BMAL2: variants seen among roughly 807,000 people sequenced by gnomAD.
The protein encoded by BMAL2 is basic helix-loop-helix ARNT-like protein 2.
chr12:27,369,503 T>C, the BMAL2 span, among the ~76,000 whole-genome samples: 4 of 152,264 alleles, frequency 2.6e-5, no homozygotes, highest in African/African-American at 9.6e-5. Flanking sequence ...TCCATTAACA[T>C]GGATGCTTCT....
chr12:27,401,925 A>G, the BMAL2 span, among the ~76,000 whole-genome samples: 1 of 152,240 alleles, frequency 6.6e-6, no homozygotes, highest in African/African-American at 2.4e-5. Context: ...CATTTATTCA[A>G]GCATTTTCTT....
At chr12:27,416,777 G>A in the BMAL2 span, among the ~76,000 whole-genome samples, 1 of 152,074 alleles carries the variant, frequency 6.6e-6, no homozygotes, top group East Asian at 1.9e-4. Flanking sequence ...GGGCAATATA[G>A]TGAGACCTCC....
chr12:27,355,467 C>T, the BMAL2 span, among the ~76,000 whole-genome samples: 1 of 152,124 alleles, frequency 6.6e-6, no homozygotes, highest in South Asian at 2.1e-4. Flanking sequence ...CCAAGTATTC[C>T]ATCCACTTCC....
the BMAL2 span, among the ~76,000 whole-genome samples, chr12:27,359,938 A>G: frequency 6.6e-6 from 1 of 151,256 alleles, no homozygotes; most frequent in African/African-American, 2.4e-5. Context: ...CTGTAGTCCC[A>G]GCTACTTAGG....
the BMAL2 span, chr12:27,401,275 A>G: frequency 6.2e-7 from 1 of 1,614,052 alleles, no homozygotes; most frequent in Non-Finnish European, 8.5e-7. Context: ...CGATTTTAGG[A>G]TATCTGCCTC....
chr12:27,410,997 A>G, the BMAL2 span, among the ~76,000 whole-genome samples: 1 of 152,168 alleles, frequency 6.6e-6, no homozygotes, highest in Non-Finnish European at 1.5e-5. Flanking sequence ...AAAATAGACA[A>G]ACTATCTTAA....
At chr12:27,405,412 C>T in the BMAL2 span, among the ~76,000 whole-genome samples, 299 of 152,322 alleles carry the variant, frequency 2.0e-3, no homozygotes, top group African/African-American at 6.7e-3. Flanking sequence ...TCCAGAGGAA[C>T]GATCAGGCAG....
At chr12:27,356,593 G>A in the BMAL2 span, among the ~76,000 whole-genome samples, 2 of 152,158 alleles carry the variant, frequency 1.3e-5, no homozygotes, top group African/African-American at 2.4e-5. Flanking sequence ...ACAATATAGG[G>A]AAGTAGAAAT....
the BMAL2 span, among the ~76,000 whole-genome samples, chr12:27,362,594 C>T: frequency 1.3e-5 from 2 of 152,252 alleles, no homozygotes; most frequent in South Asian, 4.1e-4. Flanking sequence ...AAGAGAACCA[C>T]TGTTCTGACT....
the BMAL2 span, chr12:27,333,108 G>C: frequency 1.7e-6 from 2 of 1,205,392 alleles, no homozygotes; most frequent in Non-Finnish European, 2.1e-6. Context: ...CGGGAGGTGA[G>C]GTTGCCGGTG....
the BMAL2 span, among the ~76,000 whole-genome samples, chr12:27,355,914 A>C: frequency 6.6e-6 from 1 of 152,282 alleles, no homozygotes; most frequent in South Asian, 2.1e-4. Context: ...CTCCCCTAAG[A>C]TGAATTAATC....
the BMAL2 span, among the ~76,000 whole-genome samples, chr12:27,363,798 C>T: frequency 6.6e-6 from 1 of 152,132 alleles, no homozygotes; most frequent in South Asian, 2.1e-4. Flanking sequence ...TTTCAATCAA[C>T]ATTAACTTAA....
chr12:27,364,190 A>G, the BMAL2 span, among the ~76,000 whole-genome samples: 3 of 152,324 alleles, frequency 2.0e-5, no homozygotes, highest in Middle Eastern at 3.4e-3. Flanking sequence ...TGCATGACCT[A>G]ATCACCTCCT....
At chr12:27,391,099 G>A in the BMAL2 span, among the ~76,000 whole-genome samples, 3 of 151,932 alleles carry the variant, frequency 2.0e-5, no homozygotes, top group Admixed American at 6.6e-5. Context: ...TTAGATACAG[G>A]GACTACATGT....
At chr12:27,405,525 G>A in the BMAL2 span, among the ~76,000 whole-genome samples, 1 of 152,212 alleles carries the variant, frequency 6.6e-6, no homozygotes, top group African/African-American at 2.4e-5. Context: ...CAACACACCT[G>A]CAGCTGAGGG....
the BMAL2 span, among the ~76,000 whole-genome samples, chr12:27,356,485 A>G: frequency 2.6e-4 from 39 of 152,266 alleles, no homozygotes; most frequent in African/African-American, 7.5e-4. Context: ...GGCCAGCCAT[A>G]CTGATCTTGC....
At chr12:27,346,254 T>TTTTG in the BMAL2 span, among the ~76,000 whole-genome samples, 38 of 152,188 alleles carry the variant, frequency 2.5e-4, 2 homozygotes, top group South Asian at 6.4e-3. Flanking sequence ...TAAACCTTTG[T>TTTTG]TTTGTTTGTT....
the BMAL2 span, among the ~76,000 whole-genome samples, chr12:27,366,958 C>T: frequency 3.3e-5 from 5 of 152,098 alleles, no homozygotes; most frequent in South Asian, 2.1e-4. Flanking sequence ...TTACCCATGG[C>T]GGATACATTC....
chr12:27,372,277 T>C, the BMAL2 span, among the ~76,000 whole-genome samples: 2 of 152,074 alleles, frequency 1.3e-5, no homozygotes, highest in Non-Finnish European at 2.9e-5. Flanking sequence ...TGTTCTTTTG[T>C]GTCTGACTTA....
Sources: gnomAD v4.1 joint callset for allele counts (sites outside exome capture counted in the v4.1 genomes callset) on GRCh38, gnomAD v4.1.1 for gene constraint, MANE v1.5 for transcripts, NCBI Gene and HGNC (gene_info 2026-07-23, HGNC 2026-07-21) for gene names.